Variants in RNGTT observed in about 807,000 individuals in gnomAD.
The protein encoded by RNGTT is mRNA-capping enzyme.
In RNGTT, 33 loss-of-function variants were observed where a neutral mutation model predicts 79.3. The observed-to-expected ratio is 0.42, with a 90% confidence interval of 0.32 to 0.56. The LOEUF (loss-of-function observed/expected upper bound fraction) is 0.56, where lower values mean the gene tolerates loss of function less well. Ranked by LOEUF, RNGTT falls within the 20% of genes least tolerant of loss-of-function variation. The probability of loss-of-function intolerance (pLI) is 0.17; values close to 1 mark genes in which losing one functional copy is unlikely to be tolerated. For missense variants in RNGTT, 497 were observed against 739.1 expected (o/e 0.67, Z 3.80); for synonymous variants, 222 against 235.9 (o/e 0.94, Z 0.54).
intron 13 of RNGTT, among the ~76,000 whole-genome samples, chr6:88,682,199 G>C (rs767944820): frequency 1.6e-4 from 25 of 152,138 alleles, no homozygotes; most frequent in Non-Finnish European, 2.9e-4. Flanking sequence ...TTTAAAAGGA[G>C]CAAGGGATTC....
At chr6:88,723,323 C>T (rs1163099762) in intron 13 of RNGTT, among the ~76,000 whole-genome samples, 3 of 152,252 alleles carry the variant, frequency 2.0e-5, no homozygotes, top group East Asian at 1.9e-4. Context: ...GAAAGAACAA[C>T]GAACAATTCT....
intron 13 of RNGTT, among the ~76,000 whole-genome samples, chr6:88,756,316 T>C (rs1778014322): frequency 1.3e-5 from 2 of 151,650 alleles, no homozygotes; most frequent in South Asian, 4.2e-4. Context: ...CTACTAAAAA[T>C]ACAAAAATCA....
chr6:88,854,953 A>G (rs1383189514), intron 8 of RNGTT, among the ~76,000 whole-genome samples: 1 of 152,212 alleles, frequency 6.6e-6, no homozygotes, highest in East Asian at 1.9e-4. Context: ...CCAAGAACCA[A>G]AGTCTTCAAA....
intron 14 of RNGTT, among the ~76,000 whole-genome samples, chr6:88,615,995 G>C (rs1310435570): frequency 6.6e-6 from 1 of 152,022 alleles, no homozygotes; most frequent in Non-Finnish European, 1.5e-5. Flanking sequence ...AACACTAATT[G>C]CCCCCCTTCC....
chr6:88,935,342 T>C (rs1582150192), intron 2 of RNGTT, among the ~76,000 whole-genome samples: 1 of 152,330 alleles, frequency 6.6e-6, no homozygotes, highest in East Asian at 1.9e-4. Context: ...CACTGTAAAG[T>C]AGTGTGATGC....
At chr6:88,929,775 A>C (rs1320992297) in intron 2 of RNGTT, among the ~76,000 whole-genome samples, 1 of 151,934 alleles carries the variant, frequency 6.6e-6, no homozygotes, top group Non-Finnish European at 1.5e-5. Flanking sequence ...AAAAGATGAG[A>C]CAATCCATTT....
chr6:88,754,522 G>C (rs1349809967), intron 13 of RNGTT, among the ~76,000 whole-genome samples: 1 of 152,088 alleles, frequency 6.6e-6, no homozygotes, highest in African/African-American at 2.4e-5. Flanking sequence ...AACCAGATTT[G>C]AGCCCCAGTG....
intron 4 of RNGTT, among the ~76,000 whole-genome samples, chr6:88,915,308 C>T (rs770977700): frequency 2.6e-5 from 4 of 152,168 alleles, no homozygotes; most frequent in Non-Finnish European, 4.4e-5. Context: ...CAAAAAGATA[C>T]CCGCACTTGT....
At chr6:88,668,786 C>G (rs1774516627) in intron 14 of RNGTT, among the ~76,000 whole-genome samples, 1 of 151,948 alleles carries the variant, frequency 6.6e-6, no homozygotes, top group African/African-American at 2.4e-5. Context: ...AGCTCCCAAA[C>G]AAGTCACCTT....
chr6:88,893,440 TAA>T (rs534473183), intron 6 of RNGTT, among the ~76,000 whole-genome samples: 73 of 152,244 alleles, frequency 4.8e-4, no homozygotes, highest in South Asian at 3.7e-3. Flanking sequence ...CAAATTAACC[TAA>T]GTTACTACTA....
At chr6:88,867,575 G>GA (rs200755520) in intron 8 of RNGTT, among the ~76,000 whole-genome samples, 4 of 150,714 alleles carry the variant, frequency 2.7e-5, no homozygotes, top group East Asian at 1.9e-4. Context: ...CTTTTAATCT[G>GA]AAAAAAAAAG....
intron 8 of RNGTT, among the ~76,000 whole-genome samples, chr6:88,889,805 A>T (rs574491077): frequency 6.6e-6 from 1 of 152,240 alleles, no homozygotes; most frequent in African/African-American, 2.4e-5. Context: ...CAAAAAATTT[A>T]AAAAATAGCC....
chr6:88,848,043 A>C (rs1781542072), intron 10 of RNGTT, among the ~76,000 whole-genome samples: 1 of 151,972 alleles, frequency 6.6e-6, no homozygotes, highest in Non-Finnish European at 1.5e-5. Flanking sequence ...AGATTGTATT[A>C]TAAGATTATA....
intron 12 of RNGTT, among the ~76,000 whole-genome samples, chr6:88,799,760 A>G (rs1270642103): frequency 1.3e-5 from 2 of 151,800 alleles, no homozygotes; most frequent in South Asian, 2.1e-4. Context: ...TGACAAATCA[A>G]CTGCCTATAC....
At chr6:88,941,003 A>T in intron 2 of RNGTT, 68 bp downstream of exon 2, 1 of 845,962 alleles carries the variant, frequency 1.2e-6, no homozygotes. Context: ...TTTTTTTAAA[A>T]GCCACCTGAA....
chr6:88,646,197 A>T (rs916973299), intron 14 of RNGTT, among the ~76,000 whole-genome samples: 1 of 152,252 alleles, frequency 6.6e-6, no homozygotes, highest in African/African-American at 2.4e-5. Flanking sequence ...ATATGAACAG[A>T]CACTTCTCAA....
chr6:88,735,567 TAAA>T (rs71554796), intron 13 of RNGTT, among the ~76,000 whole-genome samples: 2 of 120,804 alleles, frequency 1.7e-5, no homozygotes, highest in African/African-American at 3.1e-5. Flanking sequence ...ACACGAGTGT[TAAA>T]AAAAAAAAAA....
intron 14 of RNGTT, among the ~76,000 whole-genome samples, chr6:88,651,155 CT>C (rs1269565558): frequency 2.0e-5 from 3 of 151,896 alleles, no homozygotes; most frequent in Non-Finnish European, 4.4e-5. Flanking sequence ...CTATTTTGGT[CT>C]TTGTTGTTAA....
intron 13 of RNGTT, among the ~76,000 whole-genome samples, chr6:88,691,880 A>G (rs1775495419): frequency 6.6e-6 from 1 of 152,220 alleles, no homozygotes; most frequent in Non-Finnish European, 1.5e-5. Flanking sequence ...ATATTTTAAT[A>G]GTGATAGATG....
Sources: gnomAD v4.1 joint callset for allele counts (sites outside exome capture counted in the v4.1 genomes callset) on GRCh38, gnomAD v4.1.1 for gene constraint, MANE v1.5 for transcripts, NCBI Gene and HGNC (gene_info 2026-07-23, HGNC 2026-07-21) for gene names.